MEMO1: variants seen among roughly 807,000 people sequenced by gnomAD.
The protein encoded by MEMO1 is mediator of cell motility 1, also known as protein MEMO1.
In MEMO1, 6 loss-of-function variants were observed where a neutral mutation model predicts 45.2. The ratio of observed to expected loss-of-function variants is 0.13; its 90% CI spans 0.07 to 0.26. The LOEUF (loss-of-function observed/expected upper bound fraction) is 0.26. Among genes scored for constraint, MEMO1 ranks in the 10% least tolerant of loss-of-function variants. The pLI is 1.00. For synonymous variants in MEMO1, 78 were observed against 124.3 expected, an observed-to-expected ratio of 0.63 and a Z score of 2.48; for missense variants, 184 against 370.5, an observed-to-expected ratio of 0.50 and a Z score of 4.13.
intron 6 of MEMO1, among the ~76,000 whole-genome samples, chr2:31,915,271 TGG>T (rs1681260671): frequency 1.3e-5 from 2 of 152,186 alleles, no homozygotes; most frequent in Non-Finnish European, 2.9e-5. Context: ...CTGGGAGGGC[TGG>T]GTGTATATGA....
At chr2:32,010,828 G>A (rs1282508464) in intron 1 of MEMO1, 114 bp downstream of exon 1, 2 of 152,336 alleles carry the variant, frequency 1.3e-5, no homozygotes, top group East Asian at 3.9e-4. Flanking sequence ...GGCATCTGGG[G>A]TCGGGCAGCC....
intron 2 of MEMO1, among the ~76,000 whole-genome samples, chr2:31,958,776 T>C (rs935179047): frequency 7.9e-5 from 12 of 152,144 alleles, no homozygotes; most frequent in African/African-American, 2.7e-4. Context: ...CTCAGCCTCC[T>C]GAGTAGCTGG....
chr2:31,929,942 GTTA>G (rs1185880027), intron 4 of MEMO1, among the ~76,000 whole-genome samples: 1 of 152,172 alleles, frequency 6.6e-6, no homozygotes, highest in Non-Finnish European at 1.5e-5. Flanking sequence ...TCAGAATTCA[GTTA>G]TTATATACTA....
chr2:31,869,765 T>A, intron 9 of MEMO1, 83 bp downstream of exon 9: 2 of 1,424,050 alleles, frequency 1.4e-6, no homozygotes, highest in Non-Finnish European at 9.4e-7. Flanking sequence ...ATAAAACCAA[T>A]GATGCCATTG....
rs745574501 is a variant in MEMO1 at position 31,883,904 on chromosome 2, A to G, written c.581-442T>C. Among the ~76,000 whole-genome samples, 521 of 127,322 alleles carry G rather than the reference A, an allele frequency of 4.1e-3. 6 individuals carry two copies. Among genetic ancestry groups the G allele is most frequent in the Middle Eastern group, 0.013 (3 of 234 alleles). The allele number at this position is 127,322 out of a possible 152,430, so 83.5% of individuals were successfully genotyped here. On this transcript the variant is annotated intron_variant, in intron 7 of 9. Transcript: ENST00000404530. ...AAAGTTTTGATCTCTATTACGGGGG[A>G]AAAAAAAAAAAACCATGAGGTCGCA...
intron 2 of MEMO1, among the ~76,000 whole-genome samples, chr2:31,997,489 T>C (rs1295570236): frequency 6.6e-6 from 1 of 152,172 alleles, no homozygotes; most frequent in Non-Finnish European, 1.5e-5. Flanking sequence ...CTTACAGATG[T>C]TGAACCATTT....
intron 6 of MEMO1, among the ~76,000 whole-genome samples, chr2:31,915,132 C>G (rs1418238433): frequency 1.3e-5 from 2 of 152,008 alleles, no homozygotes; most frequent in African/African-American, 4.8e-5. Flanking sequence ...GACTCTTTCC[C>G]CCAACACCCA....
At chr2:31,999,712 G>A (rs969029110) in intron 2 of MEMO1, among the ~76,000 whole-genome samples, 1 of 152,052 alleles carries the variant, frequency 6.6e-6, no homozygotes, top group African/African-American at 2.4e-5. Flanking sequence ...ATACTACTCT[G>A]TTCCAGTTCA....
At chr2:31,927,698 G>C (rs1236115684) in intron 4 of MEMO1, among the ~76,000 whole-genome samples, 1 of 148,536 alleles carries the variant, frequency 6.7e-6, no homozygotes, top group Non-Finnish European at 1.5e-5. Flanking sequence ...ATTAGAAAAT[G>C]TATTTATTTC....
chr2:31,895,667 C>G (rs1471022019), intron 6 of MEMO1, among the ~76,000 whole-genome samples: 7 of 151,950 alleles, frequency 4.6e-5, no homozygotes, highest in Non-Finnish European at 8.8e-5. Context: ...AGAAAGGGAA[C>G]AGTAAAAATA....
At chr2:32,004,882 G>A (rs1412951017) in intron 2 of MEMO1, among the ~76,000 whole-genome samples, 11 of 149,634 alleles carry the variant, frequency 7.4e-5, no homozygotes, top group East Asian at 3.9e-4. Context: ...AGCTGAGATC[G>A]CACCACTGCA....
chr2:31,892,816 C>CA (rs1225125403), intron 6 of MEMO1, among the ~76,000 whole-genome samples: 1 of 152,136 alleles, frequency 6.6e-6, no homozygotes, highest in East Asian at 1.9e-4. Context: ...GGCATATCCA[C>CA]AAGTCCCTTT....
intron 2 of MEMO1, among the ~76,000 whole-genome samples, chr2:31,976,519 A>C (rs575345788): frequency 5.9e-5 from 9 of 152,030 alleles, no homozygotes; most frequent in Non-Finnish European, 1.3e-4. Flanking sequence ...CAGAGGTTGC[A>C]GTGAGCTGAA....
chr2:31,893,349 T>C, intron 6 of MEMO1: 1 of 1,156,632 alleles, frequency 8.6e-7, no homozygotes, highest in Non-Finnish European at 1.1e-6. Context: ...AAAAGGAAGC[T>C]GGCAGAGGAA....
At chr2:31,898,252 T>C (rs1485918925) in intron 6 of MEMO1, among the ~76,000 whole-genome samples, 1 of 152,210 alleles carries the variant, frequency 6.6e-6, no homozygotes, top group Non-Finnish European at 1.5e-5. Flanking sequence ...TCTTGTCTTC[T>C]GCTAGCTTTT....
intron 8 of MEMO1, among the ~76,000 whole-genome samples, chr2:31,879,061 G>A (rs1173473665): frequency 6.6e-6 from 1 of 152,120 alleles, no homozygotes; most frequent in Non-Finnish European, 1.5e-5. Context: ...CTGTGACTGT[G>A]TTTCCCTGGA....
At position 31,891,972 on chromosome 2, in the gene MEMO1, T is replaced by C. The variant is rs565665707; in HGVS notation, c.580+20A>G. On this transcript the variant is annotated intron_variant, in intron 7 of 9. Transcript: ENST00000404530. ...GAAGTATATAACATCTACCATGATA[T>C]GTTAAAATCTAGAACTTACCCCAAT... 2.1e-5 allele frequency: 34 copies of C among 1,603,388 alleles called. No individual in the cohort carries two copies. The Admixed American group carries it at 2.5e-4, about 12-fold the overall frequency.
intron 2 of MEMO1, among the ~76,000 whole-genome samples, chr2:31,967,090 T>TC (rs1668713855): frequency 1.3e-5 from 2 of 151,704 alleles, no homozygotes; most frequent in South Asian, 4.2e-4. Context: ...TATTAATAGG[T>TC]CCCAATCATT....
intron 2 of MEMO1, among the ~76,000 whole-genome samples, chr2:31,981,025 AAT>A (rs1670573221): frequency 6.6e-6 from 1 of 152,238 alleles, no homozygotes; most frequent in African/African-American, 2.4e-5. Flanking sequence ...ACACAGTTTA[AAT>A]AGTCAATCGT....
Sources: gnomAD v4.1 joint callset for allele counts (sites outside exome capture counted in the v4.1 genomes callset) on GRCh38, gnomAD v4.1.1 for gene constraint, MANE v1.5 for transcripts, NCBI Gene and HGNC (gene_info 2026-07-23, HGNC 2026-07-21) for gene names.